The following DYDC2 variants were observed in gnomAD, a reference collection of about 807,000 sequenced individuals.
The protein encoded by DYDC2 is DPY30 domain-containing protein 2.
A neutral mutation model predicts 18.7 loss-of-function variants in DYDC2; 19 were observed. The observed-to-expected ratio is 1.02, with a 90% CI of 0.71 to 1.49. DYDC2 has a LOEUF of 1.49. Ranked by LOEUF, DYDC2 falls within the 40% of genes most tolerant of loss-of-function variation. The pLI is 0.00. For synonymous variants in DYDC2, 63 were observed against 67.6 expected (o/e 0.93, Z 0.34); for missense variants, 179 against 205.1 (o/e 0.87, Z 0.78).
chr10:80,357,966 G>A lies in DYDC2; in HGVS notation c.-89G>A. The A allele has an allele frequency of 1.0e-6, 1 of 985,380 alleles. No individual in the cohort carries two copies. The highest frequency in any genetic ancestry group is 1.2e-6 in the Non-Finnish European group (1 of 829,896). 61.0% of individuals were successfully genotyped at this position (985,380 alleles called of 1,614,324 possible). On this transcript the variant is annotated 5_prime_UTR_variant, in exon 2 of 5. Transcript: ENST00000256039. ...CCCTATTCTTATCACCTTGCCTACT[G>A]AGTGCAAGTCCAGGAACTGTGTAAG...
At chr10:80,348,144 C>T (rs1842779629) in intron 1 of DYDC2, among the ~76,000 whole-genome samples, 1 of 152,146 alleles carries the variant, frequency 6.6e-6, no homozygotes, top group Non-Finnish European at 1.5e-5. Flanking sequence ...TAGTGTTTTA[C>T]AGTTTTCAAG....
At chr10:80,363,900 G>A (rs1260118342) in intron 4 of DYDC2, among the ~76,000 whole-genome samples, 2 of 152,256 alleles carry the variant, frequency 1.3e-5, no homozygotes, top group Admixed American at 6.5e-5. Context: ...TGGAATAGCC[G>A]AAGACAACTC....
At chr10:80,365,521 G>C (rs576354799) in intron 4 of DYDC2, among the ~76,000 whole-genome samples, 1 of 152,308 alleles carries the variant, frequency 6.6e-6, no homozygotes, top group African/African-American at 2.4e-5. Flanking sequence ...TCAATAGTTT[G>C]AAGTGTAGAA....
At chr10:80,358,858 T>A (rs1197300011) in intron 2 of DYDC2, among the ~76,000 whole-genome samples, 1 of 152,176 alleles carries the variant, frequency 6.6e-6, no homozygotes, top group African/African-American at 2.4e-5. Flanking sequence ...CCAGAGTTCG[T>A]TCCTTTTGAT....
chr10:80,352,511 C>G (rs1843058955), upstream of DYDC2: 3 of 1,613,344 alleles, frequency 1.9e-6, no homozygotes, highest in Admixed American at 5.0e-5. Flanking sequence ...GCTAAATATT[C>G]TATCGGATCC....
At chr10:80,344,994 CA>C (rs1275432945) in intron 1 of DYDC2, among the ~76,000 whole-genome samples, 1 of 152,044 alleles carries the variant, frequency 6.6e-6, no homozygotes, top group African/African-American at 2.4e-5. Flanking sequence ...TCATAGCTGA[CA>C]GTGATAAAAA....
chr10:80,359,008 A>G (rs1459525607), intron 2 of DYDC2, among the ~76,000 whole-genome samples: 1 of 152,196 alleles, frequency 6.6e-6, no homozygotes. Context: ...AAGATTTACT[A>G]CAAAGAGCAA....
chr10:80,355,234 T>C (rs1233557521), upstream of DYDC2, among the ~76,000 whole-genome samples: 2 of 151,892 alleles, frequency 1.3e-5, no homozygotes, highest in African/African-American at 4.8e-5. Context: ...CCTGGACAAA[T>C]GCATCTAGCA....
chr10:80,350,083 T>C (rs1384916827), intron 1 of DYDC2, among the ~76,000 whole-genome samples: 1 of 152,120 alleles, frequency 6.6e-6, no homozygotes, highest in Non-Finnish European at 1.5e-5. Context: ...TCTCAAGCCT[T>C]TCTCTGTTGA....
intron 1 of DYDC2, among the ~76,000 whole-genome samples, chr10:80,349,949 A>G (rs1464196271): frequency 6.6e-6 from 1 of 152,214 alleles, no homozygotes; most frequent in African/African-American, 2.4e-5. Flanking sequence ...AGTCAGTGGT[A>G]CTGACTATGA....
chr10:80,358,777 G>A (rs984383538), intron 2 of DYDC2, among the ~76,000 whole-genome samples: 1 of 152,158 alleles, frequency 6.6e-6, no homozygotes, highest in Admixed American at 6.5e-5. Context: ...GTGGGTTCTT[G>A]GTCTCACTGA....
At chr10:80,358,090 C>T in intron 2 of DYDC2, 45 bp downstream of exon 2, 9 of 984,996 alleles carry the variant, frequency 9.1e-6, no homozygotes, top group South Asian at 4.7e-5. Flanking sequence ...AAAAGGCATC[C>T]CCTTGGCCAG....
upstream of DYDC2, chr10:80,354,346 C>T (rs571090957): frequency 5.0e-3 from 761 of 150,976 alleles, 5 homozygotes; most frequent in Non-Finnish European, 8.3e-3. Context: ...ATTATCTGGG[C>T]GTGGTGGCAC....
intron 4 of DYDC2, among the ~76,000 whole-genome samples, chr10:80,363,644 A>G (rs117134471): frequency 0.02 from 3,064 of 152,002 alleles, 39 homozygotes; most frequent in Non-Finnish European, 0.03. Flanking sequence ...CACCACGCCC[A>G]GCCAAAAAAT....
chr10:80,347,339 G>A (rs1278936701), intron 1 of DYDC2, among the ~76,000 whole-genome samples: 2 of 110,488 alleles, frequency 1.8e-5, no homozygotes, highest in East Asian at 6.1e-4. Flanking sequence ...ATATTTTGGA[G>A]ATTAACTCCT....
At position 80,362,976 on chromosome 10, in the gene DYDC2, A is replaced by C. The variant is rs2132895885; in HGVS notation, c.173A>C (p.Gln58Pro). 1 of 1,613,930 alleles carries C rather than the reference A, an allele frequency of 6.2e-7. No homozygotes were observed. Among genetic ancestry groups the C allele is most frequent in the Middle Eastern group, 1.7e-4 (1 of 6,060 alleles). Residue 58 changes from glutamine to proline, a missense_variant, in exon 4 of 5, where the codon CAG (glutamine) becomes CCG (proline). Coordinates refer to ENST00000256039, the MANE Select transcript of DYDC2 (RefSeq NM_032372.6). The stretch of plus-strand genomic sequence containing the variant: ...AATAGGGAAAAGAAGATCCACCTGC[A>C]GGAGGAATATGACAGTAGCCTCAAG... ...EENREKKIHL[Q>P]EEYDSSLKEM... is the part of the protein sequence containing the mutation.
intron 1 of DYDC2, among the ~76,000 whole-genome samples, chr10:80,349,128 T>G (rs1842839413): frequency 6.6e-6 from 1 of 152,190 alleles, no homozygotes; most frequent in Admixed American, 6.5e-5. Context: ...CCTGACCCTG[T>G]GATCCGCCCG....
At chr10:80,362,866 G>A in intron 3 of DYDC2, 85 bp from the exon 4 acceptor site, 1 of 1,530,274 alleles carries the variant, frequency 6.5e-7, no homozygotes, top group Non-Finnish European at 8.8e-7. Flanking sequence ...AGAGCCCACA[G>A]CCCATATCAG....
At chr10:80,348,335 T>C (rs375304264) in intron 1 of DYDC2, among the ~76,000 whole-genome samples, 21 of 152,250 alleles carry the variant, frequency 1.4e-4, no homozygotes, top group African/African-American at 4.1e-4. Flanking sequence ...TTAAATGGCT[T>C]TGGAAATTAG....
Sources: allele counts gnomAD v4.1 joint callset (sites outside exome capture counted in the v4.1 genomes callset), GRCh38; gene constraint gnomAD v4.1.1; transcripts MANE v1.5; gene names NCBI Gene and HGNC (gene_info 2026-07-23, HGNC 2026-07-21).